Variants in FOXN1 observed in about 807,000 individuals in gnomAD.
The protein encoded by FOXN1 is forkhead box N1.
In FOXN1, 15 loss-of-function variants were observed where a neutral mutation model predicts 49.0. That is an observed-to-expected ratio of 0.31 (90% CI 0.20 to 0.47). The LOEUF (loss-of-function observed/expected upper bound fraction) is 0.47. Among genes scored for constraint, FOXN1 ranks in the 20% least tolerant of loss-of-function variants. The pLI is 1.00. For synonymous variants in FOXN1, 356 were observed against 369.0 expected (o/e 0.96, Z 0.40); for missense variants, 800 against 842.8 (o/e 0.95, Z 0.63).
intron 1 of FOXN1, among the ~76,000 whole-genome samples, chr17:28,513,109 A>G (rs2069426210): frequency 2.0e-5 from 3 of 152,206 alleles, no homozygotes; most frequent in Admixed American, 1.3e-4. Flanking sequence ...TCTCTGCTAA[A>G]AATACAAAAG....
At chr17:28,527,691 G>A (rs947869370) in intron 4 of FOXN1, among the ~76,000 whole-genome samples, 1 of 152,212 alleles carries the variant, frequency 6.6e-6, no homozygotes, top group African/African-American at 2.4e-5. Flanking sequence ...AGAGAGAGGG[G>A]CAAAGAGGAG....
At chr17:28,529,575 G>A (rs767746650) in intron 5 of FOXN1, among the ~76,000 whole-genome samples, 5 of 152,148 alleles carry the variant, frequency 3.3e-5, no homozygotes, top group Non-Finnish European at 5.9e-5. Context: ...GGAAACAGAC[G>A]GAAGCCCCCC....
intron 1 of FOXN1, among the ~76,000 whole-genome samples, chr17:28,518,663 G>C (rs544925147): frequency 2.0e-5 from 3 of 151,126 alleles, no homozygotes; most frequent in Non-Finnish European, 4.4e-5. Flanking sequence ...TTCCATCCCC[G>C]CTCCCCAAGG....
intron 1 of FOXN1, among the ~76,000 whole-genome samples, chr17:28,511,143 C>G (rs1184320420): frequency 6.6e-6 from 1 of 152,164 alleles, no homozygotes; most frequent in African/African-American, 2.4e-5. Context: ...GGGAGGGCCT[C>G]CCAGTGCACT....
chr17:28,524,659 T>TC lies in FOXN1; in HGVS notation c.281dup (p.Pro95ThrfsTer11). The TC allele has an allele frequency of 2.5e-6, 4 of 1,613,696 alleles. No homozygotes were observed. Among genetic ancestry groups the TC allele is most frequent in the Non-Finnish European group, 3.4e-6 (4 of 1,179,936 alleles). On this transcript the variant is annotated frameshift_variant, in exon 3 of 9. Transcript: ENST00000579795. LOFTEE classifies it high-confidence loss of function. ...CCCCGGCCCTGGGCCCTTCAGGCTCTCACCCTCAGACAAGTATCCTGGCTT... is the reference window on the plus strand; with the variant it reads ...CCCCGGCCCTGGGCCCTTCAGGCTCTCCACCCTCAGACAAGTATCCTGGCTT...
chr17:28,510,294 A>G (rs1344119264), intron 1 of FOXN1, among the ~76,000 whole-genome samples: 1 of 152,058 alleles, frequency 6.6e-6, no homozygotes, highest in Non-Finnish European at 1.5e-5. Flanking sequence ...AGACACACAC[A>G]CACAGAGACA....
chr17:28,533,935 C>T (rs1312922210), intron 6 of FOXN1, among the ~76,000 whole-genome samples: 1 of 152,144 alleles, frequency 6.6e-6, no homozygotes, highest in Non-Finnish European at 1.5e-5. Context: ...ATGAGTCCCC[C>T]TTCCACAGAG....
intron 1 of FOXN1, 140 bp from the exon 2 acceptor site, chr17:28,523,801 TCTCTCTCTCTCTCTC>T: frequency 2.6e-5 from 1 of 38,894 alleles, no homozygotes; most frequent in East Asian, 3.5e-4. Context: ...GTTCTCTCTC[TCTCTCTCTCTCTCTC>T]TCTCTCTCTC....
chr17:28,529,050 G>A, intron 4 of FOXN1, 44 bp from the exon 5 acceptor site: 2 of 1,613,392 alleles, frequency 1.2e-6, no homozygotes, highest in East Asian at 4.5e-5. Context: ...TCCTGGGAAA[G>A]GCTGGGTACC....
chr17:28,529,211 A>G lies in FOXN1; in HGVS notation c.817A>G (p.Ile273Val), dbSNP rs1445214604. The change falls in exon 5 of 9, where the codon ATC becomes GTC. Residue 273 changes from isoleucine to valine, a missense_variant. This residue lies in a region of FOXN1 where 73 missense variants were observed against 118.9 expected (regional missense o/e 0.61). Coordinates refer to ENST00000579795, the MANE Select transcript of FOXN1 (RefSeq NM_001369369.1). Reference protein sequence around the residue: ...DGHQPLFPKPIYSYSILIFMA... With the variant: ...DGHQPLFPKPVYSYSILIFMA... The stretch of plus-strand genomic sequence containing the variant: ...GCACCAGCCTCTCTTCCCAAAACCC[A>G]TCTATTCCTACAGGTACATTTCCCA... 11 of 1,614,052 alleles carry G rather than the reference A, an allele frequency of 6.8e-6. No individual in the cohort carries two copies. In the East Asian group the frequency reaches 2.2e-4, roughly 33 times the overall value.
chr17:28,534,011 G>T lies in FOXN1; in HGVS notation c.928-320G>T, dbSNP rs1354986532. On this transcript the variant is annotated intron_variant, in intron 6 of 8. Coordinates refer to ENST00000579795, the MANE Select transcript of FOXN1 (RefSeq NM_001369369.1). This position sits in a 1 kb window ranked among gnomAD's most constrained non-coding sequence, Gnocchi z 4.1. ...CAGCTTCAGATGGGAGAGTGTTGTG[G>T]GTCAGAAGGCCTCTGTAGCGCCCAC... 3.3e-5 allele frequency among the ~76,000 whole-genome samples: 5 copies of T among 152,196 alleles called. No homozygotes were observed. Among genetic ancestry groups the T allele is most frequent in the Admixed American group, 1.3e-4 (2 of 15,282 alleles).
At chr17:28,520,431 G>A (rs498655) in intron 1 of FOXN1, among the ~76,000 whole-genome samples, 2,541 of 152,310 alleles carry the variant, frequency 0.017, 42 homozygotes, top group Admixed American at 0.051. Flanking sequence ...AACCAAGGGG[G>A]CATCATGGTC....
chr17:28,519,745 A>C (rs1053387001), intron 1 of FOXN1, among the ~76,000 whole-genome samples: 1 of 152,020 alleles, frequency 6.6e-6, no homozygotes, highest in Non-Finnish European at 1.5e-5. Flanking sequence ...TCCTCTCCAC[A>C]TAAGTCCCAG....
intron 6 of FOXN1, among the ~76,000 whole-genome samples, chr17:28,531,931 T>G (rs946943731): frequency 6.6e-5 from 10 of 152,096 alleles, no homozygotes; most frequent in Non-Finnish European, 1.3e-4. Flanking sequence ...AAAAGTGTGT[T>G]GATCCACCAG....
At chr17:28,506,509 G>A (rs2069265201) in intron 1 of FOXN1, 66 bp downstream of exon 1, 1 of 152,386 alleles carries the variant, frequency 6.6e-6, no homozygotes, top group Non-Finnish European at 1.5e-5. Context: ...CACGGGGAGG[G>A]CGTTCGCCTT....
rs1414873781 is a variant in FOXN1 at position 28,524,599 on chromosome 17, G to A, written c.220G>A (p.Gly74Arg). 4.3e-6 allele frequency: 7 copies of A among 1,613,588 alleles called. No individual in the cohort carries two copies. Among genetic ancestry groups the A allele is most frequent in the Non-Finnish European group, 5.9e-6 (7 of 1,179,984 alleles). ...ACACAGCCCCCGCATTGCGTCACCA[G>A]GGCCCGAGCAAGTCCAGGGCCACTG... ...PPHSPRIASP[G>R]PEQVQGHCPA... Residue 74 changes from glycine (G) to arginine (R), a missense_variant, in exon 3 of 9, where the codon GGG (glycine) becomes AGG (arginine). Gly to Arg is a moderately radical substitution (Grantham distance 125, BLOSUM62 -2). This residue lies in a region of FOXN1 where 383 missense variants were observed against 357.9 expected (regional missense o/e 1.07). Transcript: ENST00000579795.
Position 28,537,359 on chromosome 17 carries a change from G to A in FOXN1, c.1870G>A (p.Glu624Lys). Residue 624 changes from glutamate (E) to lysine (K), a missense_variant, in exon 9 of 9, where the codon GAG becomes AAG. By Grantham distance (56) the Glu-to-Lys change is moderately conservative (BLOSUM62 1). Around this residue, in one of 3 missense-constraint regions of FOXN1, gnomAD observed 344 missense variants for 366.1 expected, o/e 0.94. Transcript: ENST00000579795. The part of the protein sequence containing the change: ...TTLYSAFMEL[E>K]PTPPTAPAGP... ...CCTCTACTCTGCCTTTATGGAGCTG[G>A]AGCCCACGCCCCCCACGGCCCCTGC... 6.2e-7 allele frequency: 1 copy of A among 1,613,042 alleles called. No individual in the cohort carries two copies. The highest frequency in any genetic ancestry group is 8.5e-7 in the Non-Finnish European group (1 of 1,179,508).
At chr17:28,521,147 G>A (rs1011521326) in intron 1 of FOXN1, among the ~76,000 whole-genome samples, 1 of 152,186 alleles carries the variant, frequency 6.6e-6, no homozygotes, top group East Asian at 1.9e-4. Context: ...TCTCAGATGC[G>A]GAAAGTGAGG....
rs2069722943 is a variant in FOXN1, at chr17:28,524,656, C to A, written c.277C>A (p.Leu93Ile). 3.1e-6 allele frequency: 5 copies of A among 1,613,706 alleles called. No homozygotes were observed. Among genetic ancestry groups the A allele is most frequent in the Non-Finnish European group, 4.2e-6 (5 of 1,179,942 alleles). ...PAGPGPGPFR[L>I]SPSDKYPGFG... ...CGGCCCCGGCCCTGGGCCCTTCAGGCTCTCACCCTCAGACAAGTATCCTGG... is the reference window on the plus strand; with the variant it reads ...CGGCCCCGGCCCTGGGCCCTTCAGGATCTCACCCTCAGACAAGTATCCTGG... Residue 93 changes from leucine to isoleucine, a missense_variant, in exon 3 of 9, where the codon CTC becomes ATC. By Grantham distance (5) the Leu-to-Ile change is conservative. Coordinates refer to ENST00000579795, the MANE Select transcript of FOXN1 (RefSeq NM_001369369.1).
Sources: gnomAD v4.1 joint callset for allele counts (sites outside exome capture counted in the v4.1 genomes callset) on GRCh38, gnomAD v4.1.1 for gene constraint, gnomAD v4.1.1 regional missense constraint, Gnocchi (gnomAD v3.1) non-coding constraint, MANE v1.5 for transcripts, NCBI Gene and HGNC (gene_info 2026-07-23, HGNC 2026-07-21) for gene names.